Variants in MINK1 observed in about 807,000 individuals in gnomAD.
MINK1 encodes misshapen-like kinase 1.
A neutral mutation model predicts 178.4 loss-of-function variants in MINK1; 46 were observed. The observed-to-expected ratio is 0.26, with a 90% CI of 0.20 to 0.33. The LOEUF (loss-of-function observed/expected upper bound fraction) is 0.33. Among genes scored for constraint, MINK1 ranks in the 10% least tolerant of loss-of-function variants. The pLI is 1.00. For synonymous variants in MINK1, 797 were observed against 709.7 expected (o/e 1.12, Z -1.96); for missense variants, 1,366 against 1,814.9 (o/e 0.75, Z 4.49).
chr17:4,874,358 T>C (rs1483308929), intron 1 of MINK1, among the ~76,000 whole-genome samples: 1 of 152,230 alleles, frequency 6.6e-6, no homozygotes, highest in Admixed American at 6.5e-5. Context: ...TATTTAGTGG[T>C]TGGATAATAA....
rs1225876807 is a variant in MINK1, at chr17:4,869,069, G to A, written c.58-9248G>A. ...CTCCCAAGTAGCTGGGACTACAGGC[G>A]CCAGCCACCACGCCCGGCTAATTTT... On this transcript the variant is annotated intron_variant, in intron 1 of 31. Transcript: ENST00000355280. 3.3e-5 allele frequency among the ~76,000 whole-genome samples: 5 copies of A among 151,768 alleles called. No homozygotes were observed. The South Asian group carries it at 6.3e-4, about 19-fold the overall frequency.
intron 1 of MINK1, among the ~76,000 whole-genome samples, chr17:4,865,585 G>GA (rs369115547): frequency 6.6e-6 from 1 of 151,516 alleles, no homozygotes; most frequent in Non-Finnish European, 1.5e-5. Context: ...TGTGATCTAT[G>GA]AAAAAAACAT....
At chr17:4,869,239 T>C (rs1022966461) in intron 1 of MINK1, among the ~76,000 whole-genome samples, 9 of 145,526 alleles carry the variant, frequency 6.2e-5, no homozygotes, top group Admixed American at 5.5e-4. Context: ...TTTTAATTTT[T>C]AAATTATTAT....
At chr17:4,893,864 G>C (rs1969135382) in intron 21 of MINK1, 124 bp from the exon 22 acceptor site, 2 of 893,408 alleles carry the variant, frequency 2.2e-6, no homozygotes, top group Non-Finnish European at 3.4e-6. Context: ...GCTACACCGT[G>C]AGGGTGGAGC....
intron 1 of MINK1, among the ~76,000 whole-genome samples, chr17:4,869,285 T>C (rs1915525313): frequency 6.7e-6 from 1 of 149,862 alleles, no homozygotes; most frequent in Non-Finnish European, 1.5e-5. Flanking sequence ...TATTTATTTA[T>C]TTATTTTTGA....
rs749244980 is a variant in MINK1 at position 4,891,194 on chromosome 17, A to ACG, written c.1740+76_1740+77dup. 3,123 of 1,067,516 alleles carry ACG rather than the reference A, an allele frequency of 2.9e-3. 8 individuals carry two copies. The highest frequency in any genetic ancestry group is 3.7e-3 in the Non-Finnish European group (2,846 of 765,558). The allele number at this position is 1,067,516 out of a possible 1,614,324, so 66.1% of individuals were successfully genotyped here. On this transcript the variant is annotated intron_variant, in intron 15 of 31. Transcript: ENST00000355280. ...TTGTTCAGAGCACAGGTACACACACACGCGCGCACACACACACACACACAC... is the reference window on the plus strand; with the variant it reads ...TTGTTCAGAGCACAGGTACACACACACGCGCGCGCACACACACACACACACAC...
chr17:4,859,309 A>G (rs1913728199), intron 1 of MINK1: 1 of 985,088 alleles, frequency 1.0e-6, no homozygotes, highest in Admixed American at 6.2e-5. Context: ...AAGAATTATG[A>G]CTCATCGGTC....
chr17:4,865,659 G>C (rs1386153409), intron 1 of MINK1, among the ~76,000 whole-genome samples: 1 of 149,918 alleles, frequency 6.7e-6, no homozygotes, highest in Admixed American at 6.7e-5. Context: ...CAGGCAGGAG[G>C]ATCGCTTGAG....
At chr17:4,875,832 G>T (rs1366850238) in intron 1 of MINK1, among the ~76,000 whole-genome samples, 1 of 151,298 alleles carries the variant, frequency 6.6e-6, no homozygotes, top group Non-Finnish European at 1.5e-5. Context: ...GCCTTGCTCT[G>T]TCGCTTTGGT....
chr17:4,890,206 A>AAC, intron 13 of MINK1: 3 of 277,682 alleles, frequency 1.1e-5, no homozygotes, highest in Non-Finnish European at 1.4e-5. Flanking sequence ...CCCCCACCCC[A>AAC]CACCCCGTCC....
rs1908774059 is a variant in MINK1, at chr17:4,833,415, C to T, written c.-169C>T. 2 of 550,870 alleles carry T rather than the reference C, an allele frequency of 3.6e-6. No individual in the cohort carries two copies. Among genetic ancestry groups the T allele is most frequent in the South Asian group, 4.4e-5 (2 of 45,642 alleles). The allele number at this position is 550,870 out of a possible 1,614,324, so 34.1% of individuals were successfully genotyped here. A position where few individuals can be genotyped will look rare whatever the true frequency, so the allele number is the denominator to read the frequency against. ...CTGGCTCCGGGGAGATAGCGCCTGT[C>T]AGTCGGTGGGTCGGTCCTCGCGCCG... On this transcript the variant is annotated 5_prime_UTR_variant, in exon 1 of 32. Transcript: ENST00000355280. This position sits in a 1 kb window ranked among gnomAD's most constrained non-coding sequence, Gnocchi z 4.8.
chr17:4,869,633 T>A (rs1006790693), intron 1 of MINK1, among the ~76,000 whole-genome samples: 3 of 152,158 alleles, frequency 2.0e-5, no homozygotes, highest in East Asian at 1.9e-4. Context: ...TTACGATAGT[T>A]CTGTTTTCAG....
At position 4,895,336 on chromosome 17, in the gene MINK1, G is replaced by T. The variant is rs1424597714; in HGVS notation, c.3086-14G>T. On this transcript the variant is annotated splice_polypyrimidine_tract_variant and intron_variant, in intron 25 of 31. Transcript: ENST00000355280. The surrounding 1 kb of genome is among the most constrained non-coding windows in gnomAD (Gnocchi z 4.3). ...TGGCTGAGCCTCTGACCTGCCCAAG[G>T]GCTCCTGTTGCAGGGGTCAACCTGC... 6.2e-7 allele frequency: 1 copy of T among 1,603,342 alleles called. No individual in the cohort carries two copies. Among genetic ancestry groups the T allele is most frequent in the Non-Finnish European group, 8.5e-7 (1 of 1,173,464 alleles).
intron 12 of MINK1, among the ~76,000 whole-genome samples, 168 bp from the exon 13 acceptor site, chr17:4,889,479 C>A (rs1014246034): frequency 6.6e-6 from 1 of 152,122 alleles, no homozygotes; most frequent in African/African-American, 2.4e-5. Context: ...CGAGCCCAGC[C>A]CCGCGGGCCC....
At position 4,894,387 on chromosome 17, in the gene MINK1, G is replaced by A. The variant is rs533660123; in HGVS notation, c.2808+76G>A. 62 of 1,558,230 alleles carry A rather than the reference G, an allele frequency of 4.0e-5. 5 individuals are homozygous for A. The Admixed American group carries it at 7.7e-4, about 19-fold the overall frequency. ...GCAGGAGGTCCCGGTGCTGGGTAAC[G>A]GCAGAGGATGGGGCGGAGCGCTGGG... On this transcript the variant is annotated intron_variant, in intron 23 of 31. Coordinates refer to ENST00000355280, the MANE Select transcript of MINK1 (RefSeq NM_153827.5). This position sits in a 1 kb window ranked among gnomAD's most constrained non-coding sequence, Gnocchi z 4.1.
chr17:4,876,401 G>A (rs1033553213), intron 1 of MINK1, among the ~76,000 whole-genome samples: 2 of 152,216 alleles, frequency 1.3e-5, no homozygotes, highest in Admixed American at 6.5e-5. Flanking sequence ...GGGTGCCGGG[G>A]CACGTCTCCG....
In MINK1 at chr17:4,885,349, G is replaced by A; in HGVS notation, c.509-134G>A. ...TTCTTCAGGATGGTGGTGGGGTAAA[G>A]GAGGGTGCTGGGGTGTCTGGGTCGG... On this transcript the variant is annotated intron_variant, in intron 6 of 31. Transcript: ENST00000355280. This position sits in a 1 kb window ranked among gnomAD's most constrained non-coding sequence, Gnocchi z 5.0. 8.5e-7 allele frequency: 1 copy of A among 1,174,470 alleles called. No homozygotes were observed. The highest frequency in any genetic ancestry group is 1.5e-5 in the South Asian group (1 of 68,260). 72.8% of individuals were successfully genotyped at this position (1,174,470 alleles called of 1,614,324 possible).
chr17:4,843,717 G>A (rs537943164), intron 1 of MINK1, among the ~76,000 whole-genome samples: 102 of 152,094 alleles, frequency 6.7e-4, no homozygotes, highest in Non-Finnish European at 1.3e-3. Flanking sequence ...AACCCTTTGA[G>A]GTGGACAATA....
intron 1 of MINK1, chr17:4,868,828 C>T: frequency 2.9e-6 from 1 of 341,614 alleles, no homozygotes; most frequent in Non-Finnish European, 6.1e-6. Flanking sequence ...TTACTGCATG[C>T]AGCCTCAACC....
Sources: gnomAD v4.1 joint callset for allele counts (sites outside exome capture counted in the v4.1 genomes callset) on GRCh38, gnomAD v4.1.1 for gene constraint, Gnocchi (gnomAD v3.1) non-coding constraint, MANE v1.5 for transcripts, NCBI Gene and HGNC (gene_info 2026-07-23, HGNC 2026-07-21) for gene names.